BTF3: variants seen among roughly 807,000 people sequenced by gnomAD.
The protein encoded by BTF3 is basic transcription factor 3.
A neutral mutation model predicts 23.9 loss-of-function variants in BTF3; 12 were observed. The observed-to-expected ratio is 0.50, with a 90% confidence interval of 0.32 to 0.81. BTF3 has a LOEUF of 0.81. BTF3 is among the 40% of genes least tolerant of loss of function. The probability of loss-of-function intolerance (pLI) is 0.03; values close to 1 mark genes in which losing one functional copy is unlikely to be tolerated. For synonymous variants in BTF3, 96 were observed against 94.8 expected (o/e 1.01, Z -0.07); for missense variants, 215 against 255.9 (o/e 0.84, Z 1.09).
At chr5:73,499,490 A>G (rs13158968) in intron 2 of BTF3, 68,407 of 463,708 alleles carry the variant, frequency 0.15, 10,697 homozygotes, top group East Asian at 0.53. Flanking sequence ...AAAATGTGTC[A>G]TTTCAGTTAG....
chr5:73,504,074 T>C (rs1210037303), intron 4 of BTF3, among the ~76,000 whole-genome samples: 4 of 152,158 alleles, frequency 2.6e-5, no homozygotes, highest in African/African-American at 9.7e-5. Flanking sequence ...ACTGCCCTTA[T>C]ACTACCTCAG....
chr5:73,504,656 T>C (rs1746515900), intron 5 of BTF3: 2 of 280,822 alleles, frequency 7.1e-6, no homozygotes, highest in Non-Finnish European at 1.3e-5. Flanking sequence ...AGTATATATA[T>C]ATAGTACCCT....
rs943307472 is a variant in BTF3, at chr5:73,498,467, C to T, written c.-201C>T. ...CCCTTTAGCTGCCATCTTGCGTCCC[C>T]GCGTGTGTGCGCCTAATCTCAGGTG... On this transcript the variant is annotated 5_prime_UTR_variant, in exon 1 of 6. Coordinates refer to ENST00000380591, the MANE Select transcript of BTF3 (RefSeq NM_001037637.2). The T allele has an allele frequency of 1.6e-5, 10 of 628,466 alleles. No homozygotes were observed. The highest frequency in any genetic ancestry group is 7.0e-5 in the South Asian group (2 of 28,476). The allele number at this position is 628,466 out of a possible 1,614,324, so 38.9% of individuals were successfully genotyped here.
intron 5 of BTF3, chr5:73,504,646 A>AGTAT (rs1746515659): frequency 6.2e-6 from 2 of 323,254 alleles, no homozygotes; most frequent in Non-Finnish European, 1.1e-5. Flanking sequence ...TGAATAAATA[A>AGTAT]GTATATATAT....
chr5:73,499,029 CCT>C, intron 1 of BTF3, 103 bp from the exon 2 acceptor site: 3 of 1,337,964 alleles, frequency 2.2e-6, no homozygotes, highest in Non-Finnish European at 3.0e-6. Context: ...CAGGTTTCGG[CCT>C]GTGTAGGACG....
In BTF3 at chr5:73,504,135, G is replaced by C. The variant is rs144202015; in HGVS notation, c.518-212G>C. ...AAAGGATGGGTATGGAATTTTGTTTGTTGGCTGTTCCTAGTATTTTAACCC... is the reference window on the plus strand; with the variant it reads ...AAAGGATGGGTATGGAATTTTGTTTCTTGGCTGTTCCTAGTATTTTAACCC... On this transcript the variant is annotated intron_variant, in intron 4 of 5. Coordinates refer to ENST00000380591, the MANE Select transcript of BTF3 (RefSeq NM_001037637.2). 3.6e-3 allele frequency among the ~76,000 whole-genome samples: 541 copies of C among 152,104 alleles called. 1 individual carries two copies. Among genetic ancestry groups the C allele is most frequent in the Middle Eastern group, 6.8e-3 (2 of 294 alleles).
At chr5:73,500,999 A>G (rs1258120463) in intron 2 of BTF3, among the ~76,000 whole-genome samples, 3 of 150,162 alleles carry the variant, frequency 2.0e-5, no homozygotes, top group Non-Finnish European at 4.4e-5. Context: ...AGCCTTTACT[A>G]TGTTGGATCC....
In BTF3 at chr5:73,505,165, G is replaced by A. The variant is rs201297942; in HGVS notation, c.575-27G>A. On this transcript the variant is annotated intron_variant, in intron 5 of 5. Coordinates refer to ENST00000380591, the MANE Select transcript of BTF3 (RefSeq NM_001037637.2). ...TTATTTGTAGATTTGGCTTTTTTAA[G>A]AATTTCTACTCTTTTCCTTTTCCTA... The A allele has an allele frequency of 8.1e-6, 13 of 1,596,922 alleles. No individual in the cohort carries two copies. The East Asian group carries it at 2.9e-4, about 36-fold the overall frequency.
At chr5:73,502,632 C>G in intron 3 of BTF3, 31 bp downstream of exon 3, 1 of 1,501,270 alleles carries the variant, frequency 6.7e-7, no homozygotes, top group East Asian at 2.3e-5. Context: ...CTTTAAAAAA[C>G]AAGATTTGGC....
intron 5 of BTF3, chr5:73,504,877 G>A (rs1292126396): frequency 3.9e-6 from 1 of 255,396 alleles, no homozygotes; most frequent in Non-Finnish European, 7.3e-6. Flanking sequence ...AATATTTATT[G>A]GGCAGGAGAA....
intron 2 of BTF3, among the ~76,000 whole-genome samples, chr5:73,501,667 G>C (rs1481755702): frequency 6.6e-6 from 1 of 152,080 alleles, no homozygotes; most frequent in Non-Finnish European, 1.5e-5. Flanking sequence ...AAGGTTTATT[G>C]GCTAAAGAAG....
rs778899382 is a variant in BTF3 at position 73,498,527 on chromosome 5, C to T, written c.-141C>T. The stretch of plus-strand genomic sequence containing the variant: ...AGACCCCTTGAGCACCAACCCTAGT[C>T]CCCCGCGCGGCCCCTTATTCGCTCC... On this transcript the variant is annotated 5_prime_UTR_variant, in exon 1 of 6. Transcript: ENST00000380591. The T allele has an allele frequency of 4.6e-5, 59 of 1,278,458 alleles. No individual in the cohort carries two copies. The highest frequency in any genetic ancestry group is 5.7e-5 in the Non-Finnish European group (56 of 983,666). 79.2% of individuals were successfully genotyped at this position (1,278,458 alleles called of 1,614,324 possible). A position where few individuals can be genotyped will look rare whatever the true frequency, so the allele number is the denominator to read the frequency against.
intron 2 of BTF3, among the ~76,000 whole-genome samples, chr5:73,502,189 T>G (rs945108013): frequency 1.1e-4 from 17 of 149,430 alleles, no homozygotes; most frequent in Non-Finnish European, 1.6e-4. Flanking sequence ...ACAGAAGAGG[T>G]TAATAATTCT....
chr5:73,498,699 ACT>A lies in BTF3; in HGVS notation c.36_37del (p.Arg13GlyfsTer66). On this transcript the variant is annotated frameshift_variant, in exon 1 of 6. Transcript: ENST00000380591. LOFTEE classifies it high-confidence loss of function. ...CGGACAGGCGCACCCGCTCAGGCTG[ACT>A]CTCGGGGGCGAGGTCGAGCCAGGGG... The A allele has an allele frequency of 6.7e-7, 1 of 1,497,444 alleles. No homozygotes were observed. Among genetic ancestry groups the A allele is most frequent in the South Asian group, 1.2e-5 (1 of 80,028 alleles). 92.8% of individuals were successfully genotyped at this position (1,497,444 alleles called of 1,614,324 possible).
Position 73,499,175 on chromosome 5 carries a change from G to T in BTF3, c.174G>T (p.Leu58=). Residue 58 remains leucine, a synonymous_variant, in exon 2 of 6, where the codon CTG becomes CTT. Coordinates refer to ENST00000380591, the MANE Select transcript of BTF3 (RefSeq NM_001037637.2). ...TIMNQEKLAK[L]QAQVRIGGKG... ...TGAACCAGGAAAAACTCGCCAAACT[G>T]CAGGCACAAGTGCGCATTGGTGGGA... is the stretch of plus-strand genomic sequence containing the variant. 1.2e-6 allele frequency: 2 copies of T among 1,613,118 alleles called. No homozygotes were observed. The highest frequency in any genetic ancestry group is 1.7e-6 in the Non-Finnish European group (2 of 1,179,842).
chr5:73,499,034 G>T, intron 1 of BTF3, 100 bp from the exon 2 acceptor site: 1 of 1,370,794 alleles, frequency 7.3e-7, no homozygotes, highest in Admixed American at 2.5e-5. Context: ...TTCGGCCTGT[G>T]TAGGACGTTT....
intron 4 of BTF3, 147 bp downstream of exon 4, chr5:73,503,264 G>A: frequency 3.6e-6 from 3 of 830,994 alleles, no homozygotes; most frequent in South Asian, 1.8e-5. Flanking sequence ...TTAAGCAACT[G>A]TCCTTGCTCA....
At chr5:73,500,349 T>TA (rs1746406281) in intron 2 of BTF3, among the ~76,000 whole-genome samples, 1 of 152,212 alleles carries the variant, frequency 6.6e-6, no homozygotes, top group Non-Finnish European at 1.5e-5. Context: ...TAACCACTCT[T>TA]ACTTTCAGTA....
chr5:73,501,554 T>C (rs1455278228), intron 2 of BTF3, among the ~76,000 whole-genome samples: 4 of 152,124 alleles, frequency 2.6e-5, no homozygotes, highest in Non-Finnish European at 5.9e-5. Context: ...AGAGTAGAGA[T>C]CTGCAGTGAG....
Sources: gnomAD v4.1 joint callset for allele counts (sites outside exome capture counted in the v4.1 genomes callset) on GRCh38, gnomAD v4.1.1 for gene constraint, MANE v1.5 for transcripts, NCBI Gene and HGNC (gene_info 2026-07-23, HGNC 2026-07-21) for gene names.